Variants in PAPSS1 observed in about 807,000 individuals in gnomAD.
The protein encoded by PAPSS1 is bifunctional 3'-phosphoadenosine 5'-phosphosulfate synthase 1.
PAPSS1 carries 50 observed loss-of-function variants against 72.0 expected under a neutral mutation model. That is an observed-to-expected ratio of 0.69 (90% CI 0.55 to 0.88). The LOEUF (loss-of-function observed/expected upper bound fraction) is 0.88. Among genes scored for constraint, PAPSS1 ranks in the 40% least tolerant of loss-of-function variants. PAPSS1 has a pLI of 0.00. For synonymous variants in PAPSS1, 261 were observed against 263.6 expected (o/e 0.99, Z 0.09); for missense variants, 657 against 782.2 (o/e 0.84, Z 1.91).
intron 5 of PAPSS1, among the ~76,000 whole-genome samples, chr4:107,666,323 T>C (rs922192627): frequency 3.3e-5 from 5 of 152,198 alleles, no homozygotes; most frequent in Admixed American, 2.0e-4. Context: ...CAAGCCAAGT[T>C]AAAATGCAAT....
chr4:107,664,747 GT>G (rs1727270285), intron 5 of PAPSS1, among the ~76,000 whole-genome samples: 1 of 151,898 alleles, frequency 6.6e-6, no homozygotes, highest in South Asian at 2.1e-4. Context: ...TATCTATACT[GT>G]AAGCCCCATC....
chr4:107,616,556 T>TACAC (rs1725828659), intron 11 of PAPSS1, among the ~76,000 whole-genome samples: 1 of 152,162 alleles, frequency 6.6e-6, no homozygotes, highest in South Asian at 2.1e-4. Flanking sequence ...GATAAATAGG[T>TACAC]ACATGTAAAG....
intron 9 of PAPSS1, among the ~76,000 whole-genome samples, chr4:107,646,292 G>GAT (rs527908552): frequency 0.22 from 30,856 of 142,058 alleles, 3,567 homozygotes; most frequent in Middle Eastern, 0.29. Context: ...TAGAACTACA[G>GAT]ATATATATAT....
chr4:107,646,065 C>A (rs1264538813), intron 9 of PAPSS1, among the ~76,000 whole-genome samples: 2 of 152,116 alleles, frequency 1.3e-5, no homozygotes, highest in African/African-American at 2.4e-5. Flanking sequence ...TACCTTTATA[C>A]ATGAACAGAA....
In PAPSS1 at chr4:107,694,067, A is replaced by G. The variant is rs887106956; in HGVS notation, c.176-61T>C. On this transcript the variant is annotated intron_variant, in intron 2 of 11. Transcript: ENST00000265174. The stretch of plus-strand genomic sequence containing the variant: ...AAGTTAGAAGGATAACTATGTAGTA[A>G]TACTTTTTTTTTCCCAGAAACAAGA... 2.6e-6 allele frequency: 3 copies of G among 1,167,016 alleles called. No homozygotes were observed. The African/African-American group carries it at 5.5e-5, about 22-fold the overall frequency. The allele number at this position is 1,167,016 out of a possible 1,614,324, so 72.3% of individuals were successfully genotyped here.
chr4:107,719,625 G>T (rs1288966471), intron 1 of PAPSS1, among the ~76,000 whole-genome samples: 1 of 152,166 alleles, frequency 6.6e-6, no homozygotes, highest in African/African-American at 2.4e-5. Flanking sequence ...CTCAGAAATG[G>T]AAAGACACGG....
chr4:107,667,925 TTG>T (rs1378181545), intron 5 of PAPSS1, among the ~76,000 whole-genome samples: 1 of 152,186 alleles, frequency 6.6e-6, no homozygotes, highest in Non-Finnish European at 1.5e-5. Context: ...CCAGATAGTG[TTG>T]TCTTTGATCT....
intron 5 of PAPSS1, 67 bp downstream of exon 5, chr4:107,681,948 T>G (rs1722626526): frequency 1.3e-6 from 1 of 781,194 alleles, no homozygotes; most frequent in Non-Finnish European, 2.2e-6. Flanking sequence ...CATTTTTTTT[T>G]GGAGGGGAAA....
chr4:107,715,535 G>T (rs1723609764), intron 1 of PAPSS1, among the ~76,000 whole-genome samples: 1 of 152,208 alleles, frequency 6.6e-6, no homozygotes, highest in Admixed American at 6.5e-5. Flanking sequence ...GCTAAATCCA[G>T]AATGTGCTGC....
chr4:107,631,892 G>C (rs3756270), intron 10 of PAPSS1, 32 bp from the exon 11 acceptor site: 337,008 of 1,448,324 alleles, frequency 0.23, 40,792 homozygotes, highest in East Asian at 0.38. Flanking sequence ...AGGTAACTTT[G>C]CTTTTATGAC....
intron 5 of PAPSS1, among the ~76,000 whole-genome samples, chr4:107,672,817 G>T (rs973401495): frequency 6.6e-6 from 1 of 152,186 alleles, no homozygotes; most frequent in Admixed American, 6.5e-5. Context: ...CCCCCAGTAG[G>T]GGCAGACTGA....
chr4:107,698,194 C>T (rs1333403130), intron 2 of PAPSS1, among the ~76,000 whole-genome samples: 3 of 152,050 alleles, frequency 2.0e-5, no homozygotes, highest in East Asian at 3.9e-4. Context: ...AAGTGAAACA[C>T]GTCTAGCAAA....
At chr4:107,668,204 A>G (rs1306114441) in intron 5 of PAPSS1, among the ~76,000 whole-genome samples, 1 of 152,218 alleles carries the variant, frequency 6.6e-6, no homozygotes, top group Non-Finnish European at 1.5e-5. Context: ...CCCTAACTGA[A>G]CTATCTGGGA....
intron 5 of PAPSS1, among the ~76,000 whole-genome samples, chr4:107,670,665 A>G (rs1056789359): frequency 6.6e-6 from 1 of 152,064 alleles, no homozygotes; most frequent in African/African-American, 2.4e-5. Context: ...CTGCCTCCTG[A>G]GTATCTGGGA....
intron 5 of PAPSS1, among the ~76,000 whole-genome samples, chr4:107,680,588 T>A (rs1472457863): frequency 2.6e-5 from 4 of 152,226 alleles, no homozygotes; most frequent in Non-Finnish European, 5.9e-5. Flanking sequence ...TATGTCTGTT[T>A]CTATCACTTA....
At chr4:107,632,983 TAGTA>T (rs1473788117) in intron 10 of PAPSS1, among the ~76,000 whole-genome samples, 1 of 152,214 alleles carries the variant, frequency 6.6e-6, no homozygotes, top group Non-Finnish European at 1.5e-5. Flanking sequence ...GAAAGTGCAA[TAGTA>T]AGAGTGCAAT....
chr4:107,644,273 T>C (rs529456622), intron 10 of PAPSS1, among the ~76,000 whole-genome samples: 1 of 152,256 alleles, frequency 6.6e-6, no homozygotes, highest in Admixed American at 6.5e-5. Flanking sequence ...AAGGCAGTCA[T>C]AAAACCTAGC....
rs749121092 is a variant in PAPSS1 at position 107,654,701 on chromosome 4, A to G, written c.1095T>C (p.Tyr365=). 25 of 1,612,190 alleles carry G rather than the reference A, an allele frequency of 1.6e-5. No homozygotes were observed. Among genetic ancestry groups the G allele is most frequent in the Non-Finnish European group, 2.0e-5 (24 of 1,179,470 alleles). ...QWGTTCKNHP[Y]IKMVMEQGDW... ...AGCGAGGTTTTTTCAGCACCTTAAT[A>G]TAGGGGTGGTTCTTGCATGTCGTTC... is the stretch of plus-strand genomic sequence containing the variant. Residue 365 remains tyrosine, a synonymous_variant, in exon 8 of 12, where the codon TAT becomes TAC. Transcript: ENST00000265174.
Position 107,660,443 on chromosome 4 carries a change from C to T in PAPSS1, c.670-371G>A, listed in dbSNP as rs146365429. Among the ~76,000 whole-genome samples the T allele has an allele frequency of 1.5e-4, 23 of 152,238 alleles. No homozygotes were observed. In the East Asian group the frequency reaches 3.3e-3, roughly 22 times the overall value. ...TATTATCTTTACCATATCACGAAAC[C>T]ATTTTATTCCAGCTTTTATATATAC... is the stretch of plus-strand genomic sequence containing the variant. On this transcript the variant is annotated intron_variant, in intron 5 of 11. Transcript: ENST00000265174.
Sources: gnomAD v4.1 joint callset for allele counts (sites outside exome capture counted in the v4.1 genomes callset) on GRCh38, gnomAD v4.1.1 for gene constraint, MANE v1.5 for transcripts, NCBI Gene and HGNC (gene_info 2026-07-23, HGNC 2026-07-21) for gene names.